The following PREX2 variants were observed in gnomAD, a reference collection of about 807,000 sequenced individuals.
The protein encoded by PREX2 is phosphatidylinositol 3,4,5-trisphosphate-dependent Rac exchanger 2 protein.
A neutral mutation model predicts 203.2 loss-of-function variants in PREX2; 107 were observed. The ratio of observed to expected loss-of-function variants is 0.53; its 90% CI spans 0.45 to 0.62. The LOEUF (loss-of-function observed/expected upper bound fraction) is 0.62, where lower values mean the gene tolerates loss of function less well. Ranked by LOEUF, PREX2 falls within the 20% of genes least tolerant of loss-of-function variation. The probability of loss-of-function intolerance (pLI) is 0.00; values close to 1 mark genes in which losing one functional copy is unlikely to be tolerated. For synonymous variants in PREX2, 672 were observed against 663.6 expected (o/e 1.01, Z -0.19); for missense variants, 1,777 against 1,955.9 (o/e 0.91, Z 1.72).
chr8:68,196,964 C>G (rs1812409736), intron 37 of PREX2, among the ~76,000 whole-genome samples: 1 of 152,054 alleles, frequency 6.6e-6, no homozygotes, highest in African/African-American at 2.4e-5. Flanking sequence ...TTATAAAGAG[C>G]AGAAATGTAT....
Position 68,191,797 on chromosome 8 carries a change from AGAT to A in PREX2, c.4413+13_4413+15del, listed in dbSNP as rs1365520043. 2 of 1,555,292 alleles carry A rather than the reference AGAT, an allele frequency of 1.3e-6. No homozygotes were observed. The highest frequency in any genetic ancestry group is 1.8e-6 in the Non-Finnish European group (2 of 1,130,362). On this transcript the variant is annotated intron_variant, in intron 36 of 39. Coordinates refer to ENST00000288368, the MANE Select transcript of PREX2 (RefSeq NM_024870.4). The stretch of plus-strand genomic sequence containing the variant: ...CTGCCTATGTAGATAAGGTAAAAAC[AGAT>A]GATTATATTTATTGGTGCTTTTTAA...
chr8:67,975,361 G>A (rs190536448), intron 1 of PREX2, among the ~76,000 whole-genome samples: 144 of 149,406 alleles, frequency 9.6e-4, no homozygotes, highest in Non-Finnish European at 1.4e-3. Flanking sequence ...CTGTAGGCAG[G>A]AACTGGGCCT....
At chr8:67,968,730 G>A (rs1048223097) in intron 1 of PREX2, among the ~76,000 whole-genome samples, 1 of 152,104 alleles carries the variant, frequency 6.6e-6, no homozygotes, top group Non-Finnish European at 1.5e-5. Flanking sequence ...CTGCCTGATT[G>A]TTTCAAAGTA....
At chr8:67,982,007 T>C (rs1806287684) in intron 1 of PREX2, among the ~76,000 whole-genome samples, 1 of 152,202 alleles carries the variant, frequency 6.6e-6, no homozygotes, top group Non-Finnish European at 1.5e-5. Flanking sequence ...GTTGGATTGT[T>C]TTAATCCCCT....
rs573427170 is a variant in PREX2 at position 68,229,245 on chromosome 8, C to T, written c.4776-2088C>T. ...GAAATTTGGGCTACCTAAGCTCAAA[C>T]AAGAATAGGAGAAAGAAGGCCAAAA... On this transcript the variant is annotated intron_variant, in intron 39 of 39. Transcript: ENST00000288368. Among the ~76,000 whole-genome samples, 4 of 152,206 alleles carry T rather than the reference C, an allele frequency of 2.6e-5. No individual in the cohort carries two copies. The East Asian group carries it at 5.8e-4, about 22-fold the overall frequency.
intron 25 of PREX2, among the ~76,000 whole-genome samples, chr8:68,112,032 G>A (rs1431929519): frequency 6.6e-6 from 1 of 152,114 alleles, no homozygotes; most frequent in Non-Finnish European, 1.5e-5. Flanking sequence ...ATAAAGTCTG[G>A]TTGTTCTGTC....
intron 38 of PREX2, among the ~76,000 whole-genome samples, chr8:68,220,926 A>G (rs1293882238): frequency 2.0e-5 from 3 of 152,184 alleles, no homozygotes; most frequent in Non-Finnish European, 4.4e-5. Flanking sequence ...GATACGTTGC[A>G]TAATGCTGGG....
At chr8:68,169,648 C>T (rs1257515234) in intron 35 of PREX2, among the ~76,000 whole-genome samples, 4 of 152,040 alleles carry the variant, frequency 2.6e-5, no homozygotes, top group Admixed American at 6.6e-5. Context: ...CCCAGATAAT[C>T]AGTGGGAAAA....
At chr8:68,202,925 C>T (rs1476971104) in intron 37 of PREX2, among the ~76,000 whole-genome samples, 2 of 152,148 alleles carry the variant, frequency 1.3e-5, no homozygotes, top group Admixed American at 6.5e-5. Flanking sequence ...GTCCAACTAC[C>T]GGTCACACTC....
intron 34 of PREX2, among the ~76,000 whole-genome samples, chr8:68,154,540 C>T (rs865955537): frequency 6.6e-6 from 1 of 152,174 alleles, no homozygotes; most frequent in African/African-American, 2.4e-5. Context: ...CTGAATCCTC[C>T]TGGGATATTT....
intron 35 of PREX2, among the ~76,000 whole-genome samples, chr8:68,187,406 T>C (rs1158817188): frequency 1.3e-5 from 2 of 152,184 alleles, no homozygotes; most frequent in African/African-American, 4.8e-5. Context: ...TGCCTTATCA[T>C]GGCTAAAAAT....
intron 11 of PREX2, among the ~76,000 whole-genome samples, chr8:68,067,942 A>G (rs183059968): frequency 1.6e-4 from 24 of 152,184 alleles, no homozygotes; most frequent in African/African-American, 5.3e-4. Flanking sequence ...ATTTTGACTA[A>G]TGCTTTTTCT....
chr8:68,110,805 C>A, intron 25 of PREX2: 1 of 223,968 alleles, frequency 4.5e-6, no homozygotes, highest in Non-Finnish European at 9.1e-6. Context: ...TAAAAATTAT[C>A]CTCAATATTT....
chr8:68,030,413 A>C, intron 5 of PREX2, 84 bp from the exon 6 acceptor site: 1 of 1,298,146 alleles, frequency 7.7e-7, no homozygotes, highest in Non-Finnish European at 1.1e-6. Flanking sequence ...TGATCTTTGC[A>C]GTTTTCATTT....
At chr8:68,216,048 G>C (rs971038436) in intron 37 of PREX2, among the ~76,000 whole-genome samples, 8 of 152,216 alleles carry the variant, frequency 5.3e-5, no homozygotes, top group Admixed American at 1.3e-4. Context: ...TAATGAGAAA[G>C]CTGCCTCTCA....
Position 68,097,008 on chromosome 8 carries a change from T to G in PREX2, c.2369-9T>G. ...TGAATTTACTGAGTTACAGTTGTCTTTGTTCCAGAGGTTATTGACAAATTC... is the reference window on the plus strand; with the variant it reads ...TGAATTTACTGAGTTACAGTTGTCTGTGTTCCAGAGGTTATTGACAAATTC... On this transcript the variant is annotated splice_polypyrimidine_tract_variant and intron_variant, in intron 21 of 39. Coordinates refer to ENST00000288368, the MANE Select transcript of PREX2 (RefSeq NM_024870.4). The G allele has an allele frequency of 6.2e-7, 1 of 1,610,148 alleles. No homozygotes were observed. Among genetic ancestry groups the G allele is most frequent in the Non-Finnish European group, 8.5e-7 (1 of 1,177,126 alleles).
intron 1 of PREX2, among the ~76,000 whole-genome samples, chr8:68,012,213 G>A (rs1807285080): frequency 6.6e-6 from 1 of 152,156 alleles, no homozygotes; most frequent in South Asian, 2.1e-4. Flanking sequence ...AGGTCAAATA[G>A]AATACACTAT....
chr8:68,164,699 C>T (rs1432028875), intron 35 of PREX2, among the ~76,000 whole-genome samples: 1 of 151,496 alleles, frequency 6.6e-6, no homozygotes, highest in African/African-American at 2.4e-5. Context: ...TCTCCTGCCT[C>T]AGCCTCCCGA....
At chr8:67,997,102 C>A (rs1405893152) in intron 1 of PREX2, among the ~76,000 whole-genome samples, 1 of 152,040 alleles carries the variant, frequency 6.6e-6, no homozygotes, top group East Asian at 1.9e-4. Flanking sequence ...TATTGCTATG[C>A]CCATTGTGTT....
Sources: gnomAD v4.1 joint callset for allele counts (sites outside exome capture counted in the v4.1 genomes callset) on GRCh38, gnomAD v4.1.1 for gene constraint, MANE v1.5 for transcripts, NCBI Gene and HGNC (gene_info 2026-07-23, HGNC 2026-07-21) for gene names.